Variants in NR3C2 observed in about 807,000 individuals in gnomAD.
NR3C2 encodes nuclear receptor subfamily 3 group C member 2, also known as mineralocorticoid receptor.
NR3C2 carries 15 observed loss-of-function variants against 86.4 expected under a neutral mutation model. The observed-to-expected ratio is 0.17, with a 90% CI of 0.12 to 0.27. The LOEUF (loss-of-function observed/expected upper bound fraction) is 0.27, where lower values mean the gene tolerates loss of function less well. Among genes scored for constraint, NR3C2 ranks in the 10% least tolerant of loss-of-function variants. The pLI is 1.00. For missense variants in NR3C2, 960 were observed against 1,195.6 expected (o/e 0.80, Z 2.91); for synonymous variants, 458 against 450.5 (o/e 1.02, Z -0.21).
intron 2 of NR3C2, among the ~76,000 whole-genome samples, chr4:148,319,922 G>T (rs1743465205): frequency 7.0e-6 from 1 of 143,094 alleles, no homozygotes; most frequent in Admixed American, 6.9e-5. Context: ...ATGTTGAATA[G>T]GAGTGGTGAG....
At chr4:148,278,395 C>T (rs1195381277) in intron 2 of NR3C2, among the ~76,000 whole-genome samples, 3 of 152,122 alleles carry the variant, frequency 2.0e-5, no homozygotes, top group East Asian at 3.8e-4. Flanking sequence ...CCACTACGCC[C>T]AGCCCAGAAT....
intron 2 of NR3C2, among the ~76,000 whole-genome samples, chr4:148,323,076 T>G (rs551900340): frequency 5.4e-5 from 8 of 148,566 alleles, no homozygotes; most frequent in East Asian, 2.0e-4. Context: ...GTCCTTTCTG[T>G]TTGTTAGTTT....
At chr4:148,249,503 G>T (rs1017530641) in intron 3 of NR3C2, among the ~76,000 whole-genome samples, 3 of 152,040 alleles carry the variant, frequency 2.0e-5, no homozygotes, top group Non-Finnish European at 4.4e-5. Context: ...TCCTAGATTT[G>T]TATTCTTTCA....
At chr4:148,312,827 A>G (rs554569751) in intron 2 of NR3C2, among the ~76,000 whole-genome samples, 26 of 152,292 alleles carry the variant, frequency 1.7e-4, no homozygotes, top group Non-Finnish European at 3.5e-4. Context: ...TTTGCATTTC[A>G]TTTATAAAAA....
chr4:148,313,791 A>T (rs1179384031), intron 2 of NR3C2, among the ~76,000 whole-genome samples: 1 of 152,174 alleles, frequency 6.6e-6, no homozygotes, highest in Non-Finnish European at 1.5e-5. Context: ...CTGTCTTGCA[A>T]AGATGGTGAA....
chr4:148,161,799 A>G (rs1734674441), intron 4 of NR3C2, among the ~76,000 whole-genome samples: 1 of 152,202 alleles, frequency 6.6e-6, no homozygotes, highest in Non-Finnish European at 1.5e-5. Context: ...CTGAGCCCTG[A>G]TAAGAGATTA....
intron 2 of NR3C2, among the ~76,000 whole-genome samples, chr4:148,430,910 G>GA (rs1050398833): frequency 3.9e-5 from 6 of 151,928 alleles, no homozygotes; most frequent in Middle Eastern, 3.4e-3. Flanking sequence ...ATTCTATCGT[G>GA]AAAAAAAATC....
In NR3C2 at chr4:148,322,077, G is replaced by A. The variant is rs1386792165; in HGVS notation, c.1758-61960C>T. Among the ~76,000 whole-genome samples the A allele has an allele frequency of 2.6e-5, 4 of 152,060 alleles. No individual in the cohort carries two copies. The East Asian group carries it at 5.8e-4, about 22-fold the overall frequency. On this transcript the variant is annotated intron_variant, in intron 2 of 8. Transcript: ENST00000358102. ...GAGCTCTTTTAAGGCAGGCCTGGTG[G>A]TGACAAAATCTCTCAGCATTTGCTT...
intron 8 of NR3C2, among the ~76,000 whole-genome samples, chr4:148,097,525 C>T (rs1350684206): frequency 6.6e-6 from 1 of 152,126 alleles, no homozygotes; most frequent in Non-Finnish European, 1.5e-5. Context: ...CACTTTGGCC[C>T]ACTTCCTACT....
At chr4:148,337,944 G>T (rs2149977281) in intron 2 of NR3C2, among the ~76,000 whole-genome samples, 1 of 152,254 alleles carries the variant, frequency 6.6e-6, no homozygotes, top group South Asian at 2.1e-4. Flanking sequence ...CAGAAAACCT[G>T]CACTTTGTAT....
intron 6 of NR3C2, among the ~76,000 whole-genome samples, chr4:148,152,230 T>C (rs531063075): frequency 6.6e-6 from 1 of 152,312 alleles, no homozygotes; most frequent in African/African-American, 2.4e-5. Flanking sequence ...TTGGGATATA[T>C]CCCACATATT....
intron 4 of NR3C2, among the ~76,000 whole-genome samples, chr4:148,181,662 G>A (rs996074615): frequency 2.6e-5 from 4 of 152,194 alleles, no homozygotes; most frequent in African/African-American, 9.7e-5. Context: ...AGAGAGCCAC[G>A]GGGCTTTTTT....
At chr4:148,367,728 G>T (rs1471273473) in intron 2 of NR3C2, among the ~76,000 whole-genome samples, 2 of 151,922 alleles carry the variant, frequency 1.3e-5, no homozygotes, top group African/African-American at 4.8e-5. Context: ...AAAGATTTAT[G>T]CTCAGCATTA....
At chr4:148,166,734 A>G (rs934110193) in intron 4 of NR3C2, among the ~76,000 whole-genome samples, 10 of 151,676 alleles carry the variant, frequency 6.6e-5, no homozygotes, top group Admixed American at 5.3e-4. Context: ...ATTTTTCATG[A>G]TTCCTTATAA....
chr4:148,369,036 T>C (rs940597367), intron 2 of NR3C2, among the ~76,000 whole-genome samples: 1 of 152,190 alleles, frequency 6.6e-6, no homozygotes, highest in Non-Finnish European at 1.5e-5. Flanking sequence ...AAAACACCAT[T>C]AACTACATTC....
At chr4:148,269,651 A>C (rs887277471) in intron 2 of NR3C2, among the ~76,000 whole-genome samples, 20 of 152,008 alleles carry the variant, frequency 1.3e-4, no homozygotes, top group African/African-American at 3.1e-4. Context: ...AAACCCCCCC[A>C]AAAAAACAAA....
chr4:148,346,247 G>A (rs1744986221), intron 2 of NR3C2, among the ~76,000 whole-genome samples: 1 of 152,114 alleles, frequency 6.6e-6, no homozygotes. Context: ...GCAACATTGT[G>A]TTATGGCAAG....
chr4:148,395,951 G>A (rs1561083360), intron 2 of NR3C2, among the ~76,000 whole-genome samples: 1 of 152,184 alleles, frequency 6.6e-6, no homozygotes, highest in East Asian at 1.9e-4. Context: ...AGCTAGAGGT[G>A]GAAGCTATAC....
intron 6 of NR3C2, among the ~76,000 whole-genome samples, chr4:148,120,583 CTGATGAGGATTTTAG>C (rs948774522): frequency 6.6e-6 from 1 of 152,178 alleles, no homozygotes; most frequent in African/African-American, 2.4e-5. Context: ...GTAATACTGA[CTGATGAGGATTTTAG>C]TGTGTTACAG....
Sources: gnomAD v4.1 joint callset for allele counts (sites outside exome capture counted in the v4.1 genomes callset) on GRCh38, gnomAD v4.1.1 for gene constraint, MANE v1.5 for transcripts, NCBI Gene and HGNC (gene_info 2026-07-23, HGNC 2026-07-21) for gene names.